The following GRIK2 variants were observed in gnomAD, a reference collection of about 807,000 sequenced individuals.
GRIK2 encodes the protein glutamate receptor ionotropic, kainate 2.
GRIK2 carries 32 observed loss-of-function variants against 100.3 expected under a neutral mutation model. The observed-to-expected ratio is 0.32, with a 90% CI of 0.24 to 0.43. The LOEUF is 0.43. Among genes scored for constraint, GRIK2 ranks in the 20% least tolerant of loss-of-function variants. GRIK2 has a pLI of 1.00. For missense variants in GRIK2, 843 were observed against 1,114.9 expected (o/e 0.76, Z 3.47); for synonymous variants, 417 against 389.4 (o/e 1.07, Z -0.83).
intron 2 of GRIK2, among the ~76,000 whole-genome samples, chr6:101,618,720 A>C (rs917757633): frequency 2.6e-5 from 4 of 151,754 alleles, no homozygotes; most frequent in African/African-American, 9.6e-5. Flanking sequence ...GTTGGTGATA[A>C]ATCCTTTCAA....
chr6:101,879,782 A>G (rs2128452709), intron 11 of GRIK2, among the ~76,000 whole-genome samples: 1 of 151,638 alleles, frequency 6.6e-6, no homozygotes, highest in Admixed American at 6.6e-5. Flanking sequence ...GTGTGCCTTT[A>G]TGGGCTGATA....
At chr6:101,524,093 G>T (rs1775025820) in intron 2 of GRIK2, among the ~76,000 whole-genome samples, 1 of 152,096 alleles carries the variant, frequency 6.6e-6, no homozygotes. Flanking sequence ...TTTGATAATG[G>T]TGTTTATTGT....
At chr6:102,036,117 A>G (rs890534525) in intron 15 of GRIK2, among the ~76,000 whole-genome samples, 14 of 151,270 alleles carry the variant, frequency 9.3e-5, no homozygotes, top group Admixed American at 7.3e-4. Context: ...AATCATTTTT[A>G]GTCAAAATAA....
chr6:101,471,940 A>C lies in GRIK2; in HGVS notation c.115+72548A>C, dbSNP rs145225943. On this transcript the variant is annotated intron_variant, in intron 2 of 16. Coordinates refer to ENST00000369134, the MANE Select transcript of GRIK2 (RefSeq NM_021956.5). ...TTCAAGATGAGCTATATGTTCAATAAAAGTCATGGTGTCCATAAATTTTTT... is the reference window on the plus strand; with the variant it reads ...TTCAAGATGAGCTATATGTTCAATACAAGTCATGGTGTCCATAAATTTTTT... 3.8e-3 allele frequency among the ~76,000 whole-genome samples: 583 copies of C among 151,996 alleles called. 3 individuals are homozygous for C. Among genetic ancestry groups the C allele is most frequent in the African/African-American group, 0.013 (554 of 41,554 alleles).
chr6:102,026,116 AT>A (rs1252320284), intron 14 of GRIK2, among the ~76,000 whole-genome samples: 1 of 16,190 alleles, frequency 6.2e-5, no homozygotes, highest in African/African-American at 2.2e-4. Context: ...ACTTACATAT[AT>A]ATATATATAT....
chr6:101,963,038 G>A (rs946538473), intron 14 of GRIK2, among the ~76,000 whole-genome samples: 4 of 151,380 alleles, frequency 2.6e-5, no homozygotes, highest in Admixed American at 2.6e-4. Context: ...TTGTACAACA[G>A]ATTAGAATTT....
chr6:101,946,480 G>A (rs1264265641), intron 14 of GRIK2, among the ~76,000 whole-genome samples: 2 of 151,162 alleles, frequency 1.3e-5, no homozygotes, highest in Non-Finnish European at 2.9e-5. Context: ...GCAGTGAGTC[G>A]TATTCACCTC....
intron 5 of GRIK2, among the ~76,000 whole-genome samples, chr6:101,680,970 G>C (rs887158953): frequency 3.3e-5 from 5 of 152,050 alleles, no homozygotes; most frequent in Non-Finnish European, 5.9e-5. Context: ...ATTAACCAAT[G>C]TTTCTCCCTT....
intron 7 of GRIK2, among the ~76,000 whole-genome samples, chr6:101,719,825 TCTC>T (rs926150452): frequency 3.3e-5 from 5 of 151,980 alleles, no homozygotes; most frequent in African/African-American, 9.7e-5. Context: ...GTCCATTGAC[TCTC>T]CTCCTACAGC....
At chr6:101,519,600 C>T (rs1774770325) in intron 2 of GRIK2, among the ~76,000 whole-genome samples, 1 of 151,920 alleles carries the variant, frequency 6.6e-6, no homozygotes, top group Non-Finnish European at 1.5e-5. Context: ...TCCCAGAATA[C>T]AAAATATCTT....
At chr6:101,576,810 G>A (rs1777811642) in intron 2 of GRIK2, among the ~76,000 whole-genome samples, 1 of 151,900 alleles carries the variant, frequency 6.6e-6, no homozygotes, top group African/African-American at 2.4e-5. Context: ...CCTGCTTGCT[G>A]ATTTTCTAAA....
intron 12 of GRIK2, among the ~76,000 whole-genome samples, chr6:101,923,565 T>C (rs1464863099): frequency 3.3e-5 from 5 of 152,170 alleles, no homozygotes; most frequent in African/African-American, 1.2e-4. Context: ...AGATAAGTTA[T>C]AGATTTGAAA....
intron 2 of GRIK2, among the ~76,000 whole-genome samples, chr6:101,449,863 C>T (rs866692730): frequency 2.0e-5 from 3 of 151,408 alleles, no homozygotes; most frequent in African/African-American, 4.8e-5. Context: ...GGACTTTGTA[C>T]GTGATTTTCT....
intron 12 of GRIK2, among the ~76,000 whole-genome samples, chr6:101,920,586 G>A (rs1789423396): frequency 6.6e-6 from 1 of 151,894 alleles, no homozygotes; most frequent in South Asian, 2.1e-4. Context: ...CCTCCATGAA[G>A]AGAGAATGAG....
chr6:101,463,931 G>A (rs141628445), intron 2 of GRIK2, among the ~76,000 whole-genome samples: 3 of 152,172 alleles, frequency 2.0e-5, no homozygotes, highest in South Asian at 2.1e-4. Context: ...GTATGTCTGC[G>A]AGGGTGGATT....
chr6:101,964,408 G>A (rs1792527262), intron 14 of GRIK2, among the ~76,000 whole-genome samples: 1 of 152,082 alleles, frequency 6.6e-6, no homozygotes, highest in African/African-American at 2.4e-5. Context: ...AGAGCCTCTA[G>A]CTATTGGGGT....
chr6:101,981,744 G>T (rs1206436112), intron 14 of GRIK2, among the ~76,000 whole-genome samples: 1 of 151,546 alleles, frequency 6.6e-6, no homozygotes, highest in Admixed American at 6.6e-5. Flanking sequence ...TTTAAGGGAA[G>T]AAAAAATGGA....
At chr6:101,887,300 A>C (rs1786719769) in intron 11 of GRIK2, among the ~76,000 whole-genome samples, 1 of 152,168 alleles carries the variant, frequency 6.6e-6, no homozygotes, top group Admixed American at 6.6e-5. Flanking sequence ...GTGTACGATA[A>C]ATACATAAAA....
At chr6:101,958,996 T>C (rs1204882712) in intron 14 of GRIK2, among the ~76,000 whole-genome samples, 1 of 152,064 alleles carries the variant, frequency 6.6e-6, no homozygotes, top group Non-Finnish European at 1.5e-5. Flanking sequence ...TCTATTTTTG[T>C]GGTATTCTTG....
Sources: allele counts gnomAD v4.1 joint callset (sites outside exome capture counted in the v4.1 genomes callset), GRCh38; gene constraint gnomAD v4.1.1; transcripts MANE v1.5; gene names NCBI Gene and HGNC (gene_info 2026-07-23, HGNC 2026-07-21).